The following FAHD2B variants were observed in gnomAD, a reference collection of about 807,000 sequenced individuals.
The protein encoded by FAHD2B is oxaloacetate tautomerase FAHD2B, mitochondrial.
FAHD2B carries 26 observed loss-of-function variants against 33.7 expected under a neutral mutation model. That is an observed-to-expected ratio of 0.77 (90% CI 0.57 to 1.07). The LOEUF is 1.07. Ranked by LOEUF, FAHD2B falls within the 50% of genes least tolerant of loss-of-function variation. The pLI is 0.00. For missense variants in FAHD2B, 272 were observed against 388.1 expected (o/e 0.70, Z 2.51); for synonymous variants, 108 against 150.9 (o/e 0.72, Z 2.08).
downstream of FAHD2B, chr2:97,083,102 CCT>C (rs1444530847): frequency 1.1e-5 from 16 of 1,520,112 alleles, no homozygotes; most frequent in African/African-American, 1.7e-4. Flanking sequence ...AGACACAGTC[CCT>C]GTGGTGAGCG....
intron 1 of FAHD2B, among the ~76,000 whole-genome samples, chr2:97,093,966 C>G (rs1230149436): frequency 3.3e-5 from 5 of 152,066 alleles, no homozygotes; most frequent in Non-Finnish European, 7.4e-5. Flanking sequence ...GTAATGCAAG[C>G]AAGAAAATCT....
chr2:97,081,137 C>T (rs548425141), downstream of FAHD2B: 423 of 1,479,408 alleles, frequency 2.9e-4, 4 homozygotes, highest in Admixed American at 6.8e-4. Context: ...GGCAGAGTGC[C>T]GCCCCAGGGG....
intron 3 of FAHD2B, among the ~76,000 whole-genome samples, chr2:97,090,671 T>C (rs1281815447): frequency 6.6e-6 from 1 of 152,118 alleles, no homozygotes; most frequent in Non-Finnish European, 1.5e-5. Context: ...CCCTTTTGTA[T>C]GTAATGATAG....
rs1418349946 is a variant in FAHD2B, at chr2:97,085,718, C to T, written c.666G>A (p.Val222=). The T allele has an allele frequency of 6.2e-7, 1 of 1,613,806 alleles. No homozygotes were observed. Among genetic ancestry groups the T allele is most frequent in the Non-Finnish European group, 8.5e-7 (1 of 1,179,842 alleles). The change falls in exon 6 of 9, where the codon GTG becomes GTA. Residue 222 remains valine, a synonymous_variant. Transcript: ENST00000414820. The part of the protein sequence containing the change: ...DTFCPLGPAL[V]TKDSVADPHN... The stretch of plus-strand genomic sequence containing the variant: ...ACCTACCTGCTACACTGTCCTTGGT[C>T]ACCAAGGCAGGGCCCAGAGGGCAGA...
chr2:97,078,970 T>G (rs1220598737), downstream of FAHD2B, among the ~76,000 whole-genome samples: 1 of 152,078 alleles, frequency 6.6e-6, no homozygotes, highest in Admixed American at 6.6e-5. Context: ...TGCGTCCATA[T>G]GTTCTCATCA....
In FAHD2B at chr2:97,091,604, G is replaced by A. The variant is rs752586731; in HGVS notation, c.103C>T (p.Pro35Ser). The change falls in exon 3 of 9, where the codon CCC becomes TCC. Residue 35 changes from proline to serine, a missense_variant. Coordinates refer to ENST00000414820, the MANE Select transcript of FAHD2B (RefSeq NM_001320848.2). ...RDMRLVQFRAPHLVGPHLGLE... is the reference protein window; with the variant it reads ...RDMRLVQFRASHLVGPHLGLE... ...CCCAAGTGAGGCCCCACCAGGTGGG[G>A]TGCCCGGAACTGCACTAGTCTCATG... is the stretch of plus-strand genomic sequence containing the variant. The A allele has an allele frequency of 1.4e-5, 22 of 1,613,820 alleles. No individual in the cohort carries two copies. The South Asian group carries it at 1.8e-4, about 13-fold the overall frequency.
At chr2:97,086,875 G>A (rs1009619165) in intron 4 of FAHD2B, 12 of 152,112 alleles carry the variant, frequency 7.9e-5, no homozygotes, top group Admixed American at 2.0e-4. Context: ...AGCCTGGAAC[G>A]TCTTGGCCAG....
chr2:97,085,670 G>A (rs1314972543), intron 6 of FAHD2B, 29 bp downstream of exon 6: 2 of 1,612,978 alleles, frequency 1.2e-6, no homozygotes, highest in South Asian at 2.2e-5. Context: ...GCAATGGTAG[G>A]TACCAGGGGG....
At chr2:97,082,711 G>T (rs1368279860), downstream of FAHD2B, 255 of 1,589,474 alleles carry the variant, frequency 1.6e-4, 2 homozygotes, top group Non-Finnish European at 2.2e-4. Flanking sequence ...AGAGTGTGCG[G>T]ACCCAAAGCT....
chr2:97,090,263 G>C lies in FAHD2B; in HGVS notation c.308C>G (p.Thr103Arg), dbSNP rs1292532392. The change falls in exon 4 of 9, where the codon ACA (threonine) becomes AGA (arginine). Residue 103 changes from threonine to arginine, a missense_variant. Transcript: ENST00000414820. The stretch of plus-strand genomic sequence containing the variant: ...CACACACACCACCTTATCTGGCCAT[G>C]TGACTGGAGCCAGGAAGGTTACCTC... ...WSEVTFLAPV[T>R]WPDKVVCVGM... The C allele has an allele frequency of 6.2e-7, 1 of 1,613,120 alleles. No homozygotes were observed. The highest frequency in any genetic ancestry group is 2.2e-5 in the East Asian group (1 of 44,874).
At chr2:97,081,012 G>A (rs2031623334), downstream of FAHD2B, 6 of 1,259,802 alleles carry the variant, frequency 4.8e-6, no homozygotes, top group Non-Finnish European at 6.3e-6. Context: ...TCATGCCTGT[G>A]ATCCCAGCAC....
intron 6 of FAHD2B, 139 bp from the exon 7 acceptor site, chr2:97,084,416 T>C (rs1478231896): frequency 4.3e-6 from 4 of 939,644 alleles, no homozygotes; most frequent in Non-Finnish European, 6.4e-6. Flanking sequence ...CTCAGTGCAC[T>C]ATGTTAGAAC....
intron 6 of FAHD2B, among the ~76,000 whole-genome samples, chr2:97,084,677 A>G (rs1236666234): frequency 1.3e-5 from 2 of 152,080 alleles, no homozygotes; most frequent in East Asian, 1.9e-4. Context: ...GGAGGGCAAA[A>G]CAGGTGAGAA....
At chr2:97,094,372 T>C (rs2032535284) in intron 1 of FAHD2B, among the ~76,000 whole-genome samples, 1 of 141,514 alleles carries the variant, frequency 7.1e-6, no homozygotes, top group Non-Finnish European at 1.5e-5. Flanking sequence ...AAAGTGGCCC[T>C]GGGGCTTCTG....
intron 4 of FAHD2B, chr2:97,086,475 GTCACTCTGGATACT>G (rs1322542419): frequency 2.1e-6 from 1 of 475,718 alleles, no homozygotes; most frequent in Non-Finnish European, 3.8e-6. Flanking sequence ...GAGTTTAAAA[GTCACTCTGGATACT>G]TTTAACAAAG....
intron 5 of FAHD2B, 123 bp from the exon 6 acceptor site, chr2:97,085,984 A>C: frequency 7.1e-7 from 1 of 1,414,004 alleles, no homozygotes; most frequent in African/African-American, 1.4e-5. Context: ...AGGTGGGTGA[A>C]GGGAAAGGCA....
downstream of FAHD2B, chr2:97,081,473 G>A (rs912837760): frequency 5.1e-6 from 8 of 1,583,556 alleles, no homozygotes; most frequent in Admixed American, 1.4e-4. Flanking sequence ...GTCAGGAGGT[G>A]CTGGACAGGC....
At chr2:97,083,459 C>T, downstream of FAHD2B, 1 of 1,255,876 alleles carries the variant, frequency 8.0e-7, no homozygotes, top group South Asian at 1.6e-5. Context: ...TGTCTTTTCC[C>T]CAGCCCAGCA....
At chr2:97,087,432 T>G (rs1033315532) in intron 4 of FAHD2B, among the ~76,000 whole-genome samples, 3 of 152,060 alleles carry the variant, frequency 2.0e-5, no homozygotes, top group Admixed American at 6.6e-5. Flanking sequence ...GTGCAGTGGC[T>G]CATGCCCATA....
Sources: allele counts gnomAD v4.1 joint callset (sites outside exome capture counted in the v4.1 genomes callset), GRCh38; gene constraint gnomAD v4.1.1; transcripts MANE v1.5; gene names NCBI Gene and HGNC (gene_info 2026-07-23, HGNC 2026-07-21).